Variants in LRP1B observed in about 807,000 individuals in gnomAD.
The protein encoded by LRP1B is low-density lipoprotein receptor-related protein 1B.
Under a neutral mutation model 556.6 loss-of-function variants are expected in LRP1B, and 217 were observed. The ratio of observed to expected loss-of-function variants is 0.39; its 90% confidence interval spans 0.35 to 0.44. LRP1B has a LOEUF of 0.44. LRP1B is among the 20% of genes least tolerant of loss of function. LRP1B has a pLI of 1.00. For synonymous variants in LRP1B, 2,047 were observed against 1,865.8 expected (o/e 1.10, Z -2.50); for missense variants, 5,053 against 5,620.8 (o/e 0.90, Z 3.23).
intron 1 of LRP1B, among the ~76,000 whole-genome samples, chr2:141,818,955 T>C (rs1157524445): frequency 1.3e-5 from 2 of 151,498 alleles, no homozygotes; most frequent in Admixed American, 6.6e-5. Flanking sequence ...AATAAAAACT[T>C]TCTGGCCAGG....
intron 3 of LRP1B, among the ~76,000 whole-genome samples, chr2:141,388,233 T>C: frequency 6.6e-6 from 1 of 152,174 alleles, no homozygotes; most frequent in Non-Finnish European, 1.5e-5. Context: ...GTCAGGAGTT[T>C]GAGACCAGCC....
At chr2:142,032,762 C>T (rs1266603370) in intron 1 of LRP1B, among the ~76,000 whole-genome samples, 1 of 151,790 alleles carries the variant, frequency 6.6e-6, no homozygotes, top group African/African-American at 2.4e-5. Flanking sequence ...CCATCTTGGG[C>T]TGTCTCTGTT....
At chr2:141,680,953 GC>G (rs1384011016) in intron 2 of LRP1B, among the ~76,000 whole-genome samples, 2 of 152,038 alleles carry the variant, frequency 1.3e-5, no homozygotes, top group Non-Finnish European at 2.9e-5. Context: ...GTTGCATTTT[GC>G]CACAAACTCA....
chr2:141,461,471 T>C (rs1033966304), intron 3 of LRP1B, among the ~76,000 whole-genome samples: 7 of 152,194 alleles, frequency 4.6e-5, no homozygotes, highest in African/African-American at 1.4e-4. Context: ...AATAGCATAG[T>C]AGGGAAATGA....
intron 7 of LRP1B, among the ~76,000 whole-genome samples, chr2:141,160,786 G>T (rs1679990073): frequency 6.6e-6 from 1 of 151,872 alleles, no homozygotes; most frequent in African/African-American, 2.4e-5. Flanking sequence ...GGAAATATGA[G>T]AATTTTTTTG....
intron 31 of LRP1B, among the ~76,000 whole-genome samples, chr2:140,833,242 T>G (rs1390923206): frequency 6.6e-6 from 1 of 152,184 alleles, no homozygotes; most frequent in African/African-American, 2.4e-5. Context: ...AAGTACACAA[T>G]AATCACACAA....
chr2:140,501,110 G>T (rs1292029863), intron 55 of LRP1B, among the ~76,000 whole-genome samples: 1 of 151,950 alleles, frequency 6.6e-6, no homozygotes, highest in African/African-American at 2.4e-5. Context: ...TCTGTCCATC[G>T]ATTCTGTCAG....
At chr2:141,375,662 G>C (rs1197930199) in intron 3 of LRP1B, among the ~76,000 whole-genome samples, 2 of 152,220 alleles carry the variant, frequency 1.3e-5, no homozygotes, top group African/African-American at 4.8e-5. Flanking sequence ...TTCAAACTTA[G>C]CCTGAGGGAA....
At chr2:140,295,351 A>G (rs1429826384) in intron 84 of LRP1B, among the ~76,000 whole-genome samples, 1 of 152,216 alleles carries the variant, frequency 6.6e-6, no homozygotes, top group African/African-American at 2.4e-5. Context: ...GCCTAATATG[A>G]TAAGAATAAA....
At chr2:140,432,301 T>C (rs1685983843) in intron 66 of LRP1B, among the ~76,000 whole-genome samples, 1 of 152,132 alleles carries the variant, frequency 6.6e-6, no homozygotes, top group African/African-American at 2.4e-5. Context: ...CTCCCTTCAC[T>C]GACTCTCTTT....
chr2:142,010,410 C>T (rs1407426577), intron 1 of LRP1B, among the ~76,000 whole-genome samples: 9 of 151,440 alleles, frequency 5.9e-5, no homozygotes, highest in Non-Finnish European at 1.3e-4. Context: ...AAAAATTAGC[C>T]GGGCGTGGTG....
chr2:140,394,109 G>A (rs1684145884), intron 66 of LRP1B, among the ~76,000 whole-genome samples: 1 of 150,634 alleles, frequency 6.6e-6, no homozygotes, highest in South Asian at 2.1e-4. Context: ...TAGCCCGTAG[G>A]GTTTACTGGC....
At chr2:141,016,060 G>T in intron 12 of LRP1B, 145 bp from the exon 13 acceptor site, 1 of 651,782 alleles carries the variant, frequency 1.5e-6, no homozygotes, top group South Asian at 1.8e-5. Context: ...GTCAAAGAGG[G>T]GGGAGCTGTG....
At chr2:141,131,430 T>TATATATATA (rs67252411) in intron 7 of LRP1B, among the ~76,000 whole-genome samples, 5 of 146,000 alleles carry the variant, frequency 3.4e-5, no homozygotes, top group Non-Finnish European at 4.5e-5. Context: ...TATATATATA[T>TATATATATA]TTGCTCTTAG....
At chr2:141,455,233 A>C (rs1446793671) in intron 3 of LRP1B, among the ~76,000 whole-genome samples, 2 of 151,616 alleles carry the variant, frequency 1.3e-5, no homozygotes, top group Admixed American at 1.3e-4. Flanking sequence ...CTATCTGAAT[A>C]ACCATCTTAA....
intron 43 of LRP1B, among the ~76,000 whole-genome samples, chr2:140,578,571 G>A (rs1328687001): frequency 2.0e-5 from 3 of 151,998 alleles, no homozygotes; most frequent in African/African-American, 7.3e-5. Flanking sequence ...ATACCCAACT[G>A]GCAGCCTAAC....
In LRP1B at chr2:140,769,236, G is replaced by A. The variant is rs144752289; in HGVS notation, c.5735C>T (p.Ala1912Val). 364 of 1,611,562 alleles carry A rather than the reference G, an allele frequency of 2.3e-4. 1 individual carries two copies. Among genetic ancestry groups the A allele is most frequent in the Non-Finnish European group, 2.7e-5 (32 of 1,178,472 alleles). ...ACCTGCATGGAAATCTATTCCCACG[G>A]CAAATGAAGTTCCTGATATAGGCAT... ...ALMPISGTSF[A>V]VGIDFHAEND... Residue 1912 changes from alanine (A) to valine (V), a missense_variant, in exon 35 of 91, where the codon GCC (alanine) becomes GTC (valine). Ala to Val is a moderately conservative substitution (Grantham distance 64). This residue lies in a region of LRP1B where 3,619 missense variants were observed against 3,931.9 expected (regional missense o/e 0.92). Coordinates refer to ENST00000389484, the MANE Select transcript of LRP1B (RefSeq NM_018557.3).
chr2:141,473,709 TG>T (rs111589330), intron 3 of LRP1B, among the ~76,000 whole-genome samples: 51 of 152,296 alleles, frequency 3.3e-4, no homozygotes, highest in African/African-American at 1.2e-3. Context: ...GTTTCTTAGC[TG>T]TAGACTTATT....
chr2:141,011,033 A>T (rs995057742), intron 14 of LRP1B, among the ~76,000 whole-genome samples: 1 of 148,414 alleles, frequency 6.7e-6, no homozygotes, highest in African/African-American at 2.5e-5. Context: ...TATAGTTTTT[A>T]TATATATATA....
Sources: allele counts gnomAD v4.1 joint callset (sites outside exome capture counted in the v4.1 genomes callset), GRCh38; gene constraint gnomAD v4.1.1; regional missense constraint gnomAD v4.1.1; transcripts MANE v1.5; gene names NCBI Gene and HGNC (gene_info 2026-07-23, HGNC 2026-07-21).